TEKT5: variants seen among roughly 807,000 people sequenced by gnomAD.
The protein encoded by TEKT5 is tektin 5, also known as tektin-5.
Under a neutral mutation model 48.7 loss-of-function variants are expected in TEKT5, and 52 were observed. That is an observed-to-expected ratio of 1.07 (90% CI 0.86 to 1.35). The LOEUF (loss-of-function observed/expected upper bound fraction) is 1.35, where lower values mean the gene tolerates loss of function less well. Ranked by LOEUF, TEKT5 falls within the 40% of genes most tolerant of loss-of-function variation. TEKT5 has a pLI of 0.00. For synonymous variants in TEKT5, 318 were observed against 267.6 expected, an observed-to-expected ratio of 1.19 and a Z score of -1.84; for missense variants, 831 against 641.6, an observed-to-expected ratio of 1.30 and a Z score of -3.19.
At chr16:10,636,209 T>C (rs950116665) in intron 5 of TEKT5, among the ~76,000 whole-genome samples, 8 of 152,000 alleles carry the variant, frequency 5.3e-5, no homozygotes, top group Non-Finnish European at 1.2e-4. Context: ...ACCCCGTCTC[T>C]ACTAAAAAAA....
chr16:10,678,693 T>C (rs1300552613), intron 4 of TEKT5, among the ~76,000 whole-genome samples: 1 of 152,116 alleles, frequency 6.6e-6, no homozygotes, highest in Non-Finnish European at 1.5e-5. Context: ...AACATGCAGA[T>C]TTACTTTGAG....
chr16:10,659,159 G>C (rs531454255), intron 5 of TEKT5, among the ~76,000 whole-genome samples: 14 of 152,240 alleles, frequency 9.2e-5, no homozygotes, highest in African/African-American at 3.1e-4. Context: ...CCCCTGAGGG[G>C]ATAATCACCC....
intron 1 of TEKT5, chr16:10,692,904 G>A (rs1056553043): frequency 2.6e-5 from 4 of 152,236 alleles, no homozygotes; most frequent in Non-Finnish European, 1.5e-5. Flanking sequence ...TGAGGCTGGA[G>A]CCGCCTGATC....
At chr16:10,674,045 T>C (rs1256837085) in intron 5 of TEKT5, among the ~76,000 whole-genome samples, 1 of 152,130 alleles carries the variant, frequency 6.6e-6, no homozygotes, top group Non-Finnish European at 1.5e-5. Flanking sequence ...ACTGTCCTGC[T>C]TAAAATCTTC....
Position 10,690,003 on chromosome 16 carries a change from T to C in TEKT5, c.587A>G (p.His196Arg), listed in dbSNP as rs16957546. ...PLQVALECLYHREKRIGIDLV... is the reference protein window; with the variant it reads ...PLQVALECLYRREKRIGIDLV... ...ATCAATCCCAATCCTCTTCTCTCGA[T>C]GGTACAGACACTCCAAGGCCACCTG... The change falls in exon 2 of 7, where the codon CAT becomes CGT. Residue 196 changes from histidine (H) to arginine (R), a missense_variant. Coordinates refer to ENST00000283025, the MANE Select transcript of TEKT5 (RefSeq NM_144674.2). 974 of 1,614,080 alleles carry C rather than the reference T, an allele frequency of 6.0e-4. 13 individuals carry two copies. The African/African-American group carries it at 0.012, about 19-fold the overall frequency.
At chr16:10,652,659 G>A (rs1200367287) in intron 5 of TEKT5, among the ~76,000 whole-genome samples, 3 of 58,044 alleles carry the variant, frequency 5.2e-5, no homozygotes, top group African/African-American at 2.2e-4. Flanking sequence ...GCCAAGTAGA[G>A]CGATCCCTTA....
At chr16:10,629,565 T>C (rs1359561574) in intron 6 of TEKT5, among the ~76,000 whole-genome samples, 3 of 152,088 alleles carry the variant, frequency 2.0e-5, no homozygotes, top group African/African-American at 7.2e-5. Flanking sequence ...AATTTTTTAA[T>C]AAACAGGATA....
chr16:10,678,526 G>C (rs77374045), intron 4 of TEKT5, among the ~76,000 whole-genome samples: 2 of 152,132 alleles, frequency 1.3e-5, no homozygotes, highest in African/African-American at 4.8e-5. Context: ...CAGGCATCTC[G>C]GGCTTCTGGA....
chr16:10,679,851 C>T (rs1377154127), intron 4 of TEKT5, among the ~76,000 whole-genome samples: 13 of 150,798 alleles, frequency 8.6e-5, no homozygotes, highest in South Asian at 6.4e-4. Context: ...GAGCCGAGAT[C>T]GCACCATTGC....
intron 5 of TEKT5, among the ~76,000 whole-genome samples, chr16:10,656,596 G>A (rs1034896684): frequency 6.6e-6 from 1 of 152,126 alleles, no homozygotes; most frequent in African/African-American, 2.4e-5. Flanking sequence ...AAAGAGGTAA[G>A]GCCTATAGAA....
At chr16:10,680,186 A>G (rs1310612413) in intron 4 of TEKT5, among the ~76,000 whole-genome samples, 1 of 152,218 alleles carries the variant, frequency 6.6e-6, no homozygotes, top group Non-Finnish European at 1.5e-5. Context: ...GCCATGGAGG[A>G]GAGCACCTTG....
intron 5 of TEKT5, among the ~76,000 whole-genome samples, chr16:10,674,067 A>G (rs1898597861): frequency 1.3e-5 from 2 of 152,070 alleles, no homozygotes; most frequent in African/African-American, 4.8e-5. Context: ...AAGGCTCCCC[A>G]TTGCTCTTAG....
intron 6 of TEKT5, among the ~76,000 whole-genome samples, chr16:10,629,377 A>G (rs1408983872): frequency 2.0e-5 from 3 of 152,032 alleles, no homozygotes; most frequent in Admixed American, 1.3e-4. Flanking sequence ...CAGCGTCCCA[A>G]GTAGCTGGGA....
rs1899056896 is a variant in TEKT5 at position 10,694,874 on chromosome 16, C to A, written c.-1G>T. ...TCTGAGTAGTCCCAAGAAACTCCAT[C>A]CTCCCTCATGAGCCCCACTCGGGCA... On this transcript the variant is annotated 5_prime_UTR_variant, in exon 1 of 7. Coordinates refer to ENST00000283025, the MANE Select transcript of TEKT5 (RefSeq NM_144674.2). 6.5e-7 allele frequency: 1 copy of A among 1,543,618 alleles called. No homozygotes were observed. Among genetic ancestry groups the A allele is most frequent in the Non-Finnish European group, 8.7e-7 (1 of 1,149,306 alleles).
At chr16:10,679,421 C>T (rs1025823302) in intron 4 of TEKT5, among the ~76,000 whole-genome samples, 4 of 148,762 alleles carry the variant, frequency 2.7e-5, no homozygotes, top group Admixed American at 6.7e-5. Context: ...TGTGCCACTG[C>T]GCTCTGGCCT....
chr16:10,678,296 A>G (rs1898684528), intron 4 of TEKT5, among the ~76,000 whole-genome samples: 1 of 152,020 alleles, frequency 6.6e-6, no homozygotes, highest in South Asian at 2.1e-4. Context: ...ACGGGGTTTC[A>G]CCATGTTGGC....
chr16:10,656,325 C>T (rs1898261707), intron 5 of TEKT5, among the ~76,000 whole-genome samples: 2 of 152,178 alleles, frequency 1.3e-5, no homozygotes, highest in Non-Finnish European at 1.5e-5. Context: ...GATGTCAGCT[C>T]CCTGCAATCT....
Position 10,627,671 on chromosome 16 carries a change from T to G in TEKT5, c.1370A>C (p.Lys457Thr). Residue 457 changes from lysine to threonine, a missense_variant, in exon 7 of 7, where the codon AAG (lysine) becomes ACG (threonine). Lys to Thr is a moderately conservative substitution (Grantham distance 78). Transcript: ENST00000283025. ...CTTGTCGATGCAGAGGGTGTTGGCC[T>G]TGATGGCGAGCTCGTGCTCCAGCCG... ...KCRLEHELAI[K>T]ANTLCIDKEK... The G allele has an allele frequency of 1.2e-6, 2 of 1,614,208 alleles. 1 individual carries two copies. The highest frequency in any genetic ancestry group is 2.2e-5 in the South Asian group (2 of 91,086).
intron 1 of TEKT5, among the ~76,000 whole-genome samples, chr16:10,690,426 CG>C (rs1164206735): frequency 3.9e-5 from 6 of 152,194 alleles, no homozygotes; most frequent in African/African-American, 1.4e-4. Context: ...TGACTTCAAT[CG>C]GGGCTTGACC....
Sources: gnomAD v4.1 joint callset for allele counts (sites outside exome capture counted in the v4.1 genomes callset) on GRCh38, gnomAD v4.1.1 for gene constraint, MANE v1.5 for transcripts, NCBI Gene and HGNC (gene_info 2026-07-23, HGNC 2026-07-21) for gene names.